The following EPHA6 variants were observed in gnomAD, a reference collection of about 807,000 sequenced individuals.
The protein encoded by EPHA6 is ephrin type-A receptor 6.
A neutral mutation model predicts 112.0 loss-of-function variants in EPHA6; 50 were observed. The ratio of observed to expected loss-of-function variants is 0.45; its 90% confidence interval spans 0.36 to 0.56. The LOEUF is 0.56. Ranked by LOEUF, EPHA6 falls within the 20% of genes least tolerant of loss-of-function variation. The probability of loss-of-function intolerance (pLI) is 0.00; values close to 1 mark genes in which losing one functional copy is unlikely to be tolerated. For missense variants in EPHA6, 1,280 were observed against 1,417.4 expected (o/e 0.90, Z 1.56); for synonymous variants, 529 against 490.7 (o/e 1.08, Z -1.03).
chr3:97,220,051 C>T (rs2078145590), intron 3 of EPHA6, among the ~76,000 whole-genome samples: 1 of 152,194 alleles, frequency 6.6e-6, no homozygotes, highest in South Asian at 2.1e-4. Flanking sequence ...AAAATGCTAC[C>T]AGTCTCTTTG....
intron 2 of EPHA6, among the ~76,000 whole-genome samples, chr3:96,937,293 G>A (rs74563548): frequency 0.032 from 4,797 of 152,080 alleles, 108 homozygotes; most frequent in Middle Eastern, 0.065. Context: ...TTTAATGATC[G>A]CCATTCTAAT....
At chr3:97,212,178 G>A (rs555948478) in intron 3 of EPHA6, among the ~76,000 whole-genome samples, 1 of 152,128 alleles carries the variant, frequency 6.6e-6, no homozygotes, top group South Asian at 2.1e-4. Flanking sequence ...CTGACTAGGG[G>A]ATAAAAATAC....
intron 3 of EPHA6, among the ~76,000 whole-genome samples, chr3:97,215,670 G>C (rs2078014695): frequency 6.6e-6 from 1 of 150,968 alleles, no homozygotes; most frequent in South Asian, 2.1e-4. Context: ...TATTTAGTTT[G>C]CCTTTAATAT....
intron 5 of EPHA6, among the ~76,000 whole-genome samples, chr3:97,290,117 G>A (rs1053825326): frequency 6.6e-6 from 1 of 151,980 alleles, no homozygotes; most frequent in African/African-American, 2.4e-5. Context: ...CCTTAACAAT[G>A]TTTTTGCTGC....
intron 3 of EPHA6, among the ~76,000 whole-genome samples, chr3:97,159,455 T>C (rs1012785304): frequency 3.9e-4 from 60 of 152,168 alleles, no homozygotes; most frequent in African/African-American, 1.3e-3. Context: ...ACAAATATTT[T>C]CCTGCTGGGT....
rs561639399 is a variant in EPHA6, at chr3:97,574,181, A to G, written c.2387-18431A>G. On this transcript the variant is annotated intron_variant, in intron 11 of 17. Coordinates refer to ENST00000389672, the MANE Select transcript of EPHA6 (RefSeq NM_001080448.3). The stretch of plus-strand genomic sequence containing the variant: ...TTGGAGAAATCTAAATTTTATTATC[A>G]AATAGAGAAATGGTTTTAATACCCT... Among the ~76,000 whole-genome samples, 5 of 152,290 alleles carry G rather than the reference A, an allele frequency of 3.3e-5. No homozygotes were observed. The South Asian group carries it at 1.0e-3, about 32-fold the overall frequency.
intron 15 of EPHA6, among the ~76,000 whole-genome samples, chr3:97,721,217 T>C (rs1013475196): frequency 2.0e-5 from 3 of 152,202 alleles, no homozygotes; most frequent in African/African-American, 7.2e-5. Flanking sequence ...AAACAAAGGC[T>C]ACGTAACTAT....
At chr3:97,311,821 A>G (rs1433487596) in intron 5 of EPHA6, among the ~76,000 whole-genome samples, 2 of 151,742 alleles carry the variant, frequency 1.3e-5, no homozygotes, top group African/African-American at 4.8e-5. Flanking sequence ...ACAAAACAAA[A>G]TATATTGTTC....
At chr3:96,864,222 A>G (rs1291691890) in intron 1 of EPHA6, among the ~76,000 whole-genome samples, 1 of 152,078 alleles carries the variant, frequency 6.6e-6, no homozygotes, top group Non-Finnish European at 1.5e-5. Context: ...ACTCCTTGTT[A>G]TTAACCCTGG....
At position 96,979,844 on chromosome 3, in the gene EPHA6, A is replaced by G. The variant is rs865943657; in HGVS notation, c.451-7486A>G. Among the ~76,000 whole-genome samples the G allele has an allele frequency of 8.5e-4, 129 of 152,252 alleles. 1 individual carries two copies. Among genetic ancestry groups the G allele is most frequent in the African/African-American group, 2.8e-3 (117 of 41,566 alleles). Reference sequence around the variant, plus strand: ...TCATGTGCCTTTTGGCTGCATAAATATCTTCTTTTGAGAAGTGTCTGTTCA... The same window carrying G: ...TCATGTGCCTTTTGGCTGCATAAATGTCTTCTTTTGAGAAGTGTCTGTTCA... On this transcript the variant is annotated intron_variant, in intron 2 of 17. Coordinates refer to ENST00000389672, the MANE Select transcript of EPHA6 (RefSeq NM_001080448.3).
rs558200820 is a variant in EPHA6, at chr3:97,244,586, A to G, written c.1606+299A>G. 45 of 380,814 alleles carry G rather than the reference A, an allele frequency of 1.2e-4. No homozygotes were observed. The South Asian group carries it at 4.9e-3, about 41-fold the overall frequency. The allele number at this position is 380,814 out of a possible 1,614,324, so 23.6% of individuals were successfully genotyped here. On this transcript the variant is annotated intron_variant, in intron 5 of 17. Coordinates refer to ENST00000389672, the MANE Select transcript of EPHA6 (RefSeq NM_001080448.3). ...GAGTAAGTCCATATTACTTACCAAT[A>G]GAAGTCAGAAATCAATAAAATGTTA... is the stretch of plus-strand genomic sequence containing the variant.
intron 13 of EPHA6, among the ~76,000 whole-genome samples, chr3:97,619,602 G>A (rs569945969): frequency 1.5e-4 from 22 of 151,710 alleles, no homozygotes; most frequent in African/African-American, 5.1e-4. Context: ...GAATCATTAC[G>A]AGCATTCCTA....
chr3:97,699,151 C>T (rs973884651), intron 14 of EPHA6, among the ~76,000 whole-genome samples: 6 of 152,094 alleles, frequency 3.9e-5, no homozygotes, highest in African/African-American at 1.4e-4. Context: ...TCTGGTTGTT[C>T]CATTGTGATA....
chr3:97,100,574 C>T (rs2047375262), intron 3 of EPHA6, among the ~76,000 whole-genome samples: 1 of 151,838 alleles, frequency 6.6e-6, no homozygotes, highest in African/African-American at 2.4e-5. Flanking sequence ...CTAGGCCCAG[C>T]CTCTTTCAGA....
At chr3:97,126,562 C>T (rs1176727338) in intron 3 of EPHA6, among the ~76,000 whole-genome samples, 1 of 152,064 alleles carries the variant, frequency 6.6e-6, no homozygotes, top group East Asian at 1.9e-4. Context: ...CATGTCACTA[C>T]TAGTTTTCTC....
In EPHA6 at chr3:97,633,912, A is replaced by C. The variant is rs564403216; in HGVS notation, c.2575-3961A>C. On this transcript the variant is annotated intron_variant, in intron 13 of 17. Transcript: ENST00000389672. ...AAATGGGGCTGTTCCTCTCAGCCAG[A>C]CAGAGGTGAATAGATCCTCATTTAT... Among the ~76,000 whole-genome samples the C allele has an allele frequency of 5.3e-5, 8 of 152,256 alleles. No homozygotes were observed. In the South Asian group the frequency reaches 1.0e-3, roughly 20 times the overall value.
chr3:96,917,122 AC>A (rs2039520972), intron 2 of EPHA6, among the ~76,000 whole-genome samples: 1 of 152,046 alleles, frequency 6.6e-6, no homozygotes, highest in African/African-American at 2.4e-5. Flanking sequence ...TTACACACAA[AC>A]AAACACACAT....
intron 3 of EPHA6, among the ~76,000 whole-genome samples, chr3:97,058,807 T>G (rs945373972): frequency 2.0e-5 from 3 of 152,202 alleles, no homozygotes; most frequent in Admixed American, 2.0e-4. Flanking sequence ...AGAGGTAGCT[T>G]GAACAAGACT....
At chr3:97,077,569 G>A (rs1252364009) in intron 3 of EPHA6, among the ~76,000 whole-genome samples, 1 of 137,254 alleles carries the variant, frequency 7.3e-6, no homozygotes, top group African/African-American at 2.7e-5. Context: ...ACAGGCCCCA[G>A]TGTGTGATGT....
Sources: allele counts gnomAD v4.1 joint callset (sites outside exome capture counted in the v4.1 genomes callset), GRCh38; gene constraint gnomAD v4.1.1; transcripts MANE v1.5; gene names NCBI Gene and HGNC (gene_info 2026-07-23, HGNC 2026-07-21).